The following AUTS2 variants were observed in gnomAD, a reference collection of about 807,000 sequenced individuals.
The protein encoded by AUTS2 is autism susceptibility gene 2 protein.
AUTS2 carries 17 observed loss-of-function variants against 112.4 expected under a neutral mutation model. The observed-to-expected ratio is 0.15, with a 90% confidence interval of 0.10 to 0.23. AUTS2 has a LOEUF of 0.23. Among genes scored for constraint, AUTS2 ranks in the 10% least tolerant of loss-of-function variants. The pLI is 1.00. For missense variants in AUTS2, 1,510 were observed against 1,701.6 expected (o/e 0.89, Z 1.98); for synonymous variants, 751 against 702.7 (o/e 1.07, Z -1.09).
chr7:69,818,863 TATAAG>T (rs1790869788), intron 1 of AUTS2, among the ~76,000 whole-genome samples: 2 of 152,246 alleles, frequency 1.3e-5, no homozygotes, highest in South Asian at 4.1e-4. Flanking sequence ...CCTTTGTGTT[TATAAG>T]ATATTTATCG....
At chr7:69,826,180 G>T (rs2129526929) in intron 1 of AUTS2, among the ~76,000 whole-genome samples, 1 of 152,278 alleles carries the variant, frequency 6.6e-6, no homozygotes, top group Middle Eastern at 3.4e-3. Flanking sequence ...TTGGTTTGTA[G>T]ATTGAGAAGT....
intron 4 of AUTS2, among the ~76,000 whole-genome samples, chr7:70,386,778 C>T (rs1045694705): frequency 1.3e-5 from 2 of 152,120 alleles, no homozygotes; most frequent in African/African-American, 4.8e-5. Flanking sequence ...CCCTTGTCTT[C>T]TCTGCCTCTC....
chr7:70,246,138 C>A (rs1812910111), intron 4 of AUTS2, among the ~76,000 whole-genome samples: 1 of 151,882 alleles, frequency 6.6e-6, no homozygotes, highest in Non-Finnish European at 1.5e-5. Context: ...AAAACATTTC[C>A]TAAGTTATGG....
chr7:70,430,399 A>C (rs535555121), intron 4 of AUTS2, among the ~76,000 whole-genome samples: 1 of 152,332 alleles, frequency 6.6e-6, no homozygotes, highest in Non-Finnish European at 1.5e-5. Context: ...CATACTTGGT[A>C]CCATGCACTA....
At chr7:70,678,209 T>A (rs983315112) in intron 5 of AUTS2, among the ~76,000 whole-genome samples, 1 of 152,236 alleles carries the variant, frequency 6.6e-6, no homozygotes, top group Non-Finnish European at 1.5e-5. Flanking sequence ...TTCTTCTTTT[T>A]TTTGTACATA....
At chr7:70,672,319 G>T (rs568095732) in intron 5 of AUTS2, among the ~76,000 whole-genome samples, 1 of 152,290 alleles carries the variant, frequency 6.6e-6, no homozygotes, top group African/African-American at 2.4e-5. Flanking sequence ...AATATTAAAG[G>T]ATAAGAGAAT....
In AUTS2 at chr7:70,490,621, G is replaced by C. The variant is rs187060404; in HGVS notation, c.690+54840G>C. Among the ~76,000 whole-genome samples the C allele has an allele frequency of 2.4e-3, 361 of 152,236 alleles. 3 individuals carry two copies. The highest frequency in any genetic ancestry group is 7.9e-3 in the African/African-American group (328 of 41,538). On this transcript the variant is annotated intron_variant, in intron 5 of 18. Transcript: ENST00000342771. ...TAGACCATAGATGCCGAGACTGACA[G>C]GTCACCAATGGACCATAATGCTTGG...
chr7:70,767,671 C>T (rs1790025139), intron 9 of AUTS2, among the ~76,000 whole-genome samples: 1 of 152,150 alleles, frequency 6.6e-6, no homozygotes, highest in Non-Finnish European at 1.5e-5. Flanking sequence ...AGGGGGAATT[C>T]ACTGGGTAAA....
intron 1 of AUTS2, among the ~76,000 whole-genome samples, chr7:69,884,470 T>C (rs1794190103): frequency 6.6e-6 from 1 of 152,234 alleles, no homozygotes; most frequent in Non-Finnish European, 1.5e-5. Flanking sequence ...AATTTTGTGA[T>C]AAATCTCACG....
Position 70,631,400 on chromosome 7 carries a change from G to T in AUTS2, c.691-67169G>T, listed in dbSNP as rs1805250732. Among the ~76,000 whole-genome samples the T allele has an allele frequency of 6.6e-6, 1 of 152,198 alleles. No individual in the cohort carries two copies. The highest frequency in any genetic ancestry group is 6.5e-5 in the Admixed American group (1 of 15,282). ...GTCTGCACTGCTGTGTGCGTGTCGG[G>T]CATGCTGCTCTGTGCGGGAAGAGGC... On this transcript the variant is annotated intron_variant, in intron 5 of 18. Transcript: ENST00000342771. This position sits in a 1 kb window ranked among gnomAD's most constrained non-coding sequence, Gnocchi z 4.5.
intron 2 of AUTS2, among the ~76,000 whole-genome samples, chr7:70,048,380 G>T (rs900101564): frequency 6.6e-6 from 1 of 152,130 alleles, no homozygotes; most frequent in Non-Finnish European, 1.5e-5. Flanking sequence ...GAACCTCCAT[G>T]GCCCAGCTAA....
chr7:70,140,600 A>G lies in AUTS2; in HGVS notation c.660+6029A>G, dbSNP rs1278775731. Among the ~76,000 whole-genome samples the G allele has an allele frequency of 2.0e-5, 3 of 152,320 alleles. No homozygotes were observed. In the East Asian group the frequency reaches 5.8e-4, roughly 29 times the overall value. ...AAAGGATTTTGTAATTCAAGTGTTC[A>G]TTCATCACCTGTTAAGTACTTATAT... On this transcript the variant is annotated intron_variant, in intron 4 of 18. Coordinates refer to ENST00000342771, the MANE Select transcript of AUTS2 (RefSeq NM_015570.4).
chr7:70,644,464 G>A (rs575511384), intron 5 of AUTS2, among the ~76,000 whole-genome samples: 3 of 152,200 alleles, frequency 2.0e-5, no homozygotes, highest in Admixed American at 1.3e-4. Flanking sequence ...CAGCAGCCAC[G>A]TTTGACTGCC....
chr7:69,983,283 G>T (rs1307203078), intron 2 of AUTS2, among the ~76,000 whole-genome samples: 2 of 149,914 alleles, frequency 1.3e-5, no homozygotes, highest in Non-Finnish European at 3.0e-5. Flanking sequence ...CACAATCTCT[G>T]TGGGGTTTTA....
chr7:70,025,777 CTT>C (rs34107096), intron 2 of AUTS2, among the ~76,000 whole-genome samples: 10 of 126,602 alleles, frequency 7.9e-5, no homozygotes, highest in Admixed American at 1.6e-4. Flanking sequence ...TTTTACTAAG[CTT>C]TTTTTTTTTT....
At chr7:69,638,094 C>T (rs1794630816) in intron 1 of AUTS2, among the ~76,000 whole-genome samples, 1 of 152,246 alleles carries the variant, frequency 6.6e-6, no homozygotes, top group Admixed American at 6.5e-5. Flanking sequence ...TCACAACTCA[C>T]TGCAGCTTCG....
At chr7:70,649,680 C>CAGGT (rs1806388539) in intron 5 of AUTS2, among the ~76,000 whole-genome samples, 1 of 152,112 alleles carries the variant, frequency 6.6e-6, no homozygotes, top group Non-Finnish European at 1.5e-5. Flanking sequence ...AGGTGCCCAC[C>CAGGT]ACCATGCCCA....
intron 18 of AUTS2, among the ~76,000 whole-genome samples, chr7:70,788,394 A>G (rs1401389406): frequency 6.6e-6 from 1 of 152,216 alleles, no homozygotes; most frequent in Non-Finnish European, 1.5e-5. Context: ...AGAGGCCATC[A>G]TGCTGACTGA....
At chr7:69,602,645 A>G (rs1370585992) in intron 1 of AUTS2, among the ~76,000 whole-genome samples, 2 of 152,082 alleles carry the variant, frequency 1.3e-5, no homozygotes, top group African/African-American at 2.4e-5. Flanking sequence ...CCCCACCAAA[A>G]CCCGCACAGC....
Sources: allele counts gnomAD v4.1 joint callset (sites outside exome capture counted in the v4.1 genomes callset), GRCh38; gene constraint gnomAD v4.1.1; non-coding constraint Gnocchi (gnomAD v3.1); transcripts MANE v1.5; gene names NCBI Gene and HGNC (gene_info 2026-07-23, HGNC 2026-07-21).